The following CTNNBIP1 variants were observed in gnomAD, a reference collection of about 807,000 sequenced individuals.
CTNNBIP1 encodes beta-catenin-interacting protein 1.
CTNNBIP1 carries 7 observed loss-of-function variants against 11.8 expected under a neutral mutation model. The ratio of observed to expected loss-of-function variants is 0.60; its 90% CI spans 0.34 to 1.12. The LOEUF (loss-of-function observed/expected upper bound fraction) is 1.12. CTNNBIP1 is among the 50% of genes most tolerant of loss of function. The pLI, the probability that CTNNBIP1 is intolerant of heterozygous loss-of-function variation, is 0.03. For missense variants in CTNNBIP1, 101 were observed against 113.4 expected, an observed-to-expected ratio of 0.89 and a Z score of 0.50; for synonymous variants, 58 against 43.9, an observed-to-expected ratio of 1.32 and a Z score of -1.26.
intron 5 of CTNNBIP1, among the ~76,000 whole-genome samples, chr1:9,869,193 T>C (rs1638807773): frequency 6.6e-6 from 1 of 151,502 alleles, no homozygotes; most frequent in African/African-American, 2.4e-5. Context: ...AGCGAGAGGG[T>C]CTCCCTATGT....
At chr1:9,887,149 A>G (rs1475515518) in intron 1 of CTNNBIP1, among the ~76,000 whole-genome samples, 2 of 152,224 alleles carry the variant, frequency 1.3e-5, no homozygotes, top group African/African-American at 4.8e-5. Flanking sequence ...AAGCCAGGTG[A>G]TGCTACCGAA....
chr1:9,860,524 C>A (rs1270545658), intron 5 of CTNNBIP1, among the ~76,000 whole-genome samples: 1 of 149,032 alleles, frequency 6.7e-6, no homozygotes, highest in African/African-American at 2.5e-5. Context: ...GCAGGAGAGT[C>A]GCTTGAACCT....
chr1:9,871,341 C>T lies in CTNNBIP1; in HGVS notation c.97-64G>A. On this transcript the variant is annotated intron_variant, in intron 4 of 5. Transcript: ENST00000377263. The surrounding 1 kb of genome is among the most constrained non-coding windows in gnomAD (Gnocchi z 5.2). ...CCTGTTCCCTGAAAGGCACCTGCAC[C>T]CCTAGAGGCACCGCCTAGGCCTGCT... is the stretch of plus-strand genomic sequence containing the variant. 8.1e-7 allele frequency: 1 copy of T among 1,241,632 alleles called. No homozygotes were observed. The highest frequency in any genetic ancestry group is 1.3e-5 in the South Asian group (1 of 77,984). The allele number at this position is 1,241,632 out of a possible 1,614,324, so 76.9% of individuals were successfully genotyped here.
intron 5 of CTNNBIP1, among the ~76,000 whole-genome samples, chr1:9,861,443 A>C (rs1356033986): frequency 6.6e-6 from 1 of 152,194 alleles, no homozygotes; most frequent in Non-Finnish European, 1.5e-5. Flanking sequence ...GATGCTCCAG[A>C]GTCCCCAGGG....
chr1:9,898,877 C>G (rs1408963427), intron 1 of CTNNBIP1, among the ~76,000 whole-genome samples: 2 of 152,036 alleles, frequency 1.3e-5, no homozygotes, highest in African/African-American at 4.8e-5. Flanking sequence ...AATAGTTATA[C>G]TATATTGGTT....
At chr1:9,854,156 C>A (rs1347504302) in intron 5 of CTNNBIP1, among the ~76,000 whole-genome samples, 1 of 152,126 alleles carries the variant, frequency 6.6e-6, no homozygotes, top group East Asian at 1.9e-4. Flanking sequence ...AGGTGGATCA[C>A]TTGAGGTCAG....
In CTNNBIP1 at chr1:9,871,801, G is replaced by A. The variant is rs1157849526; in HGVS notation, c.96+168C>T. 1.3e-5 allele frequency among the ~76,000 whole-genome samples: 2 copies of A among 152,100 alleles called. No homozygotes were observed. The highest frequency in any genetic ancestry group is 2.9e-5 in the Non-Finnish European group (2 of 67,994). On this transcript the variant is annotated intron_variant, in intron 4 of 5. Transcript: ENST00000377263. The surrounding 1 kb of genome is among the most constrained non-coding windows in gnomAD (Gnocchi z 5.2). Reference sequence around the variant, plus strand: ...TTGACGTGCTGGGCTCTGTGCCTAGGGGGCCAGAAGCAGCCCTAGAGCCAA... The same window carrying A: ...TTGACGTGCTGGGCTCTGTGCCTAGAGGGCCAGAAGCAGCCCTAGAGCCAA...
chr1:9,871,347 A>AGG lies in CTNNBIP1; in HGVS notation c.97-72_97-71dup. On this transcript the variant is annotated intron_variant, in intron 4 of 5. Coordinates refer to ENST00000377263, the MANE Select transcript of CTNNBIP1 (RefSeq NM_020248.3). This position sits in a 1 kb window ranked among gnomAD's most constrained non-coding sequence, Gnocchi z 5.2. The stretch of plus-strand genomic sequence containing the variant: ...CCCTGAAAGGCACCTGCACCCCTAG[A>AGG]GGCACCGCCTAGGCCTGCTTGGTCC... 1.7e-6 allele frequency: 2 copies of AGG among 1,152,434 alleles called. No individual in the cohort carries two copies. Among genetic ancestry groups the AGG allele is most frequent in the Non-Finnish European group, 2.5e-6 (2 of 791,598 alleles). 71.4% of individuals were successfully genotyped at this position (1,152,434 alleles called of 1,614,324 possible).
chr1:9,874,630 G>T lies in CTNNBIP1; in HGVS notation c.-24-2542C>A, dbSNP rs114053305. Among the ~76,000 whole-genome samples, 339 of 152,278 alleles carry T rather than the reference G, an allele frequency of 2.2e-3. 3 individuals are homozygous for T. The highest frequency in any genetic ancestry group is 7.8e-3 in the African/African-American group (325 of 41,546). Reference sequence around the variant, plus strand: ...CCCACTGCCCACTGCCAAGGCCAGGGCCCCCTCTGCTGTGCTCACCCCTGT... The same window carrying T: ...CCCACTGCCCACTGCCAAGGCCAGGTCCCCCTCTGCTGTGCTCACCCCTGT... On this transcript the variant is annotated intron_variant, in intron 3 of 5. Coordinates refer to ENST00000377263, the MANE Select transcript of CTNNBIP1 (RefSeq NM_020248.3).
At position 9,872,061 on chromosome 1, in the gene CTNNBIP1, T is replaced by A. The variant is rs1466076982; in HGVS notation, c.4A>T (p.Asn2Tyr). MNREGAPGKSPE... is the reference protein window; with the variant it reads MYREGAPGKSPE... ...CTCTTCCCGGGAGCTCCCTCGCGGT[T>A]CATCCCCCTGCCTGGCTCTGGGGAC... Residue 2 changes from asparagine (N) to tyrosine (Y), a missense_variant, in exon 4 of 6, where the codon AAC becomes TAC. Physicochemically the swap from Asn to Tyr is moderately radical, Grantham distance 143. Transcript: ENST00000377263. The surrounding 1 kb of genome is among the most constrained non-coding windows in gnomAD (Gnocchi z 4.0). The A allele has an allele frequency of 6.2e-7, 1 of 1,613,886 alleles. No individual in the cohort carries two copies.
rs530949016 is a variant in CTNNBIP1, at chr1:9,896,394, A to G, written c.-143-12656T>C. Among the ~76,000 whole-genome samples, 4 of 152,346 alleles carry G rather than the reference A, an allele frequency of 2.6e-5. No individual in the cohort carries two copies. In the East Asian group the frequency reaches 7.7e-4, roughly 29 times the overall value. ...GCAAAGAAAACAGTGCGAGAAGAAAATATGAAATGAAACCTAGAAGTCAGC... is the reference window on the plus strand; with the variant it reads ...GCAAAGAAAACAGTGCGAGAAGAAAGTATGAAATGAAACCTAGAAGTCAGC... On this transcript the variant is annotated intron_variant, in intron 1 of 5. Coordinates refer to ENST00000377263, the MANE Select transcript of CTNNBIP1 (RefSeq NM_020248.3).
chr1:9,850,809 G>A (rs1429859162), intron 5 of CTNNBIP1, 33 bp from the exon 6 acceptor site: 1 of 1,607,152 alleles, frequency 6.2e-7, no homozygotes, highest in South Asian at 1.1e-5. Context: ...CGCTGATGGG[G>A]CTTGCAGCAT....
At chr1:9,882,277 T>C (rs1639098366) in intron 2 of CTNNBIP1, among the ~76,000 whole-genome samples, 2 of 151,996 alleles carry the variant, frequency 1.3e-5, no homozygotes, top group African/African-American at 4.8e-5. Flanking sequence ...ACGGCAGGCA[T>C]TGAGAATACA....
intron 5 of CTNNBIP1, among the ~76,000 whole-genome samples, chr1:9,860,447 A>C (rs1355564317): frequency 8.6e-5 from 13 of 150,504 alleles, no homozygotes; most frequent in East Asian, 3.9e-4. Flanking sequence ...AAAAAAAAAA[A>C]AAAAAAACAA....
At chr1:9,906,558 TA>T (rs945307923) in intron 1 of CTNNBIP1, among the ~76,000 whole-genome samples, 59 of 146,402 alleles carry the variant, frequency 4.0e-4, no homozygotes, top group East Asian at 1.8e-3. Flanking sequence ...AAACTCCATC[TA>T]AAAAAAAAAA....
At chr1:9,898,734 C>A (rs1329809485) in intron 1 of CTNNBIP1, among the ~76,000 whole-genome samples, 1 of 152,182 alleles carries the variant, frequency 6.6e-6, no homozygotes, top group Non-Finnish European at 1.5e-5. Context: ...TACACAGAAA[C>A]CAAAATCCAC....
At chr1:9,882,882 C>T (rs968631097) in intron 2 of CTNNBIP1, among the ~76,000 whole-genome samples, 3 of 152,182 alleles carry the variant, frequency 2.0e-5, no homozygotes, top group Admixed American at 6.5e-5. Flanking sequence ...GTCAGCACTA[C>T]GGTGAACATT....
At chr1:9,874,888 G>A (rs778340025) in intron 3 of CTNNBIP1, among the ~76,000 whole-genome samples, 2 of 152,206 alleles carry the variant, frequency 1.3e-5, no homozygotes, top group Non-Finnish European at 2.9e-5. Context: ...GGGCTATTGT[G>A]TTCTCCAAAG....
chr1:9,902,788 C>CA (rs1317365040), intron 1 of CTNNBIP1, among the ~76,000 whole-genome samples: 1 of 150,356 alleles, frequency 6.7e-6, no homozygotes, highest in East Asian at 1.9e-4. Context: ...TTTTTTGAGA[C>CA]AGAGTCTCAC....
Sources: allele counts gnomAD v4.1 joint callset (sites outside exome capture counted in the v4.1 genomes callset), GRCh38; gene constraint gnomAD v4.1.1; non-coding constraint Gnocchi (gnomAD v3.1); transcripts MANE v1.5; gene names NCBI Gene and HGNC (gene_info 2026-07-23, HGNC 2026-07-21).